Variants in ADSS2 observed in about 807,000 individuals in gnomAD.
ADSS2 encodes adenylosuccinate synthase 2.
A neutral mutation model predicts 60.0 loss-of-function variants in ADSS2; 30 were observed. The ratio of observed to expected loss-of-function variants is 0.50; its 90% CI spans 0.37 to 0.68. The LOEUF (loss-of-function observed/expected upper bound fraction) is 0.68. Ranked by LOEUF, ADSS2 falls within the 30% of genes least tolerant of loss-of-function variation. The pLI is 0.00. For synonymous variants in ADSS2, 187 were observed against 193.1 expected, an observed-to-expected ratio of 0.97 and a Z score of 0.26; for missense variants, 373 against 554.8, an observed-to-expected ratio of 0.67 and a Z score of 3.29.
intron 3 of ADSS2, among the ~76,000 whole-genome samples, chr1:244,433,284 A>G (rs1350974710): frequency 2.0e-5 from 3 of 152,214 alleles, no homozygotes; most frequent in East Asian, 3.9e-4. Context: ...GAAGCAATCA[A>G]GTTTGTATCT....
At chr1:244,430,043 G>A (rs1304595328) in intron 4 of ADSS2, among the ~76,000 whole-genome samples, 3 of 151,922 alleles carry the variant, frequency 2.0e-5, no homozygotes, top group South Asian at 2.1e-4. Flanking sequence ...TTCAGTCTGC[G>A]CTTATCTTCT....
intron 12 of ADSS2, among the ~76,000 whole-genome samples, chr1:244,410,477 T>C (rs1000381553): frequency 8.1e-5 from 12 of 148,298 alleles, no homozygotes; most frequent in South Asian, 2.2e-4. Context: ...TGTTCTTTAA[T>C]AAATAGGCTT....
intron 1 of ADSS2, among the ~76,000 whole-genome samples, chr1:244,449,042 G>C (rs909693680): frequency 2.0e-5 from 3 of 152,130 alleles, no homozygotes; most frequent in Non-Finnish European, 4.4e-5. Context: ...AGTAGTGGTT[G>C]TCCTTTGATG....
chr1:244,411,566 T>C (rs945750063), intron 11 of ADSS2, 130 bp from the exon 12 acceptor site: 1 of 923,856 alleles, frequency 1.1e-6, no homozygotes, highest in Non-Finnish European at 1.6e-6. Context: ...TTTAGAATTC[T>C]TCAGGTAGTA....
intron 1 of ADSS2, among the ~76,000 whole-genome samples, chr1:244,440,367 T>C (rs1426090528): frequency 6.6e-6 from 1 of 152,140 alleles, no homozygotes; most frequent in Non-Finnish European, 1.5e-5. Context: ...CAAATACCTA[T>C]TTACACGGTG....
At chr1:244,421,893 G>C (rs1226124922) in intron 7 of ADSS2, among the ~76,000 whole-genome samples, 3 of 152,158 alleles carry the variant, frequency 2.0e-5, no homozygotes, top group African/African-American at 7.2e-5. Context: ...AGGATCCCTT[G>C]AGCCTAGAAA....
chr1:244,417,776 T>A, intron 9 of ADSS2, 24 bp from the exon 10 acceptor site: 3 of 1,609,056 alleles, frequency 1.9e-6, no homozygotes, highest in Non-Finnish European at 2.6e-6. Flanking sequence ...AATTGAACTT[T>A]AGGATTAGAA....
At chr1:244,450,110 C>T (rs1665497271) in intron 1 of ADSS2, among the ~76,000 whole-genome samples, 1 of 152,238 alleles carries the variant, frequency 6.6e-6, no homozygotes, top group Non-Finnish European at 1.5e-5. Flanking sequence ...CAGCCTCTCT[C>T]CCGCTGTCGA....
rs548335033 is a variant in ADSS2, at chr1:244,450,267, G to A, written c.183+1368C>T. On this transcript the variant is annotated intron_variant, in intron 1 of 12. Coordinates refer to ENST00000366535, the MANE Select transcript of ADSS2 (RefSeq NM_001126.5). The stretch of plus-strand genomic sequence containing the variant: ...ATTTAATGGCAACACCCTGAAGATT[G>A]CTAAGGTACAAAGTGTGTTGCCAGA... Among the ~76,000 whole-genome samples, 3 of 152,350 alleles carry A rather than the reference G, an allele frequency of 2.0e-5. No individual in the cohort carries two copies. The South Asian group carries it at 6.2e-4, about 32-fold the overall frequency.
At chr1:244,427,629 C>T (rs1227854039) in intron 4 of ADSS2, among the ~76,000 whole-genome samples, 3 of 151,968 alleles carry the variant, frequency 2.0e-5, no homozygotes, top group East Asian at 1.9e-4. Flanking sequence ...GGATGGAAAG[C>T]GATACACCAT....
rs1361067235 is a variant in ADSS2 at position 244,416,256 on chromosome 1, T to C, written c.1071-178A>G. On this transcript the variant is annotated intron_variant, in intron 10 of 12. Coordinates refer to ENST00000366535, the MANE Select transcript of ADSS2 (RefSeq NM_001126.5). ...CCACACATAAGACGCTAGAGGACAA[T>C]ATACACTGAGTTACTTTGCTAGTAA... is the stretch of plus-strand genomic sequence containing the variant. Among the ~76,000 whole-genome samples, 5 of 152,348 alleles carry C rather than the reference T, an allele frequency of 3.3e-5. No individual in the cohort carries two copies. In the South Asian group the frequency reaches 1.0e-3, roughly 32 times the overall value.
At chr1:244,451,962 C>A, upstream of ADSS2, 1 of 787,786 alleles carries the variant, frequency 1.3e-6, no homozygotes, top group East Asian at 3.1e-5. The surrounding 1 kb of genome is among the most constrained non-coding windows in gnomAD (Gnocchi z 6.6). Context: ...CCGCCACCCT[C>A]CAGCCAGTCC....
At chr1:244,428,138 A>G (rs185128187) in intron 4 of ADSS2, among the ~76,000 whole-genome samples, 1 of 152,340 alleles carries the variant, frequency 6.6e-6, no homozygotes, top group East Asian at 1.9e-4. Flanking sequence ...TGGCATTTAA[A>G]GAACACTCTA....
intron 1 of ADSS2, among the ~76,000 whole-genome samples, chr1:244,450,354 G>C (rs55897343): frequency 0.03 from 4,601 of 152,328 alleles, 235 homozygotes; most frequent in African/African-American, 0.1. Context: ...AGTTTCCTAA[G>C]AGGCAATTAG....
intron 4 of ADSS2, 28 bp downstream of exon 4, chr1:244,432,517 A>T: frequency 6.9e-7 from 1 of 1,457,512 alleles, no homozygotes; most frequent in Non-Finnish European, 9.3e-7. Flanking sequence ...AAAGATAGTT[A>T]CAAATAAATG....
Position 244,432,598 on chromosome 1 carries a change from AG to A in ADSS2, c.356-4del, listed in dbSNP as rs772042148. On this transcript the variant is annotated splice_polypyrimidine_tract_variant and splice_region_variant and intron_variant, in intron 3 of 12. Transcript: ENST00000366535. ...CCTTTTTTCCCAGCCTTCTAGTCCT[AG>A]AAAGGGGAAAAAGATATATTTAATT... is the stretch of plus-strand genomic sequence containing the variant. The A allele has an allele frequency of 6.4e-7, 1 of 1,553,942 alleles. No homozygotes were observed. The highest frequency in any genetic ancestry group is 8.8e-7 in the Non-Finnish European group (1 of 1,141,566).
intron 3 of ADSS2, among the ~76,000 whole-genome samples, chr1:244,432,870 G>A (rs543723074): frequency 6.6e-5 from 10 of 151,492 alleles, no homozygotes; most frequent in East Asian, 5.9e-4. Flanking sequence ...GGGTTTCACC[G>A]TGTTAGCCAG....
chr1:244,421,072 C>T (rs943776410), intron 7 of ADSS2, among the ~76,000 whole-genome samples: 6 of 136,128 alleles, frequency 4.4e-5, no homozygotes, highest in Admixed American at 1.5e-4. Flanking sequence ...GTTACACTGC[C>T]AAGTATGCAA....
At chr1:244,411,755 T>C (rs1300517882) in intron 11 of ADSS2, among the ~76,000 whole-genome samples, 2 of 152,222 alleles carry the variant, frequency 1.3e-5, no homozygotes, top group Non-Finnish European at 2.9e-5. Flanking sequence ...TTTCCAGTTT[T>C]AAAGCTTATT....
Sources: allele counts gnomAD v4.1 joint callset (sites outside exome capture counted in the v4.1 genomes callset), GRCh38; gene constraint gnomAD v4.1.1; non-coding constraint Gnocchi (gnomAD v3.1); transcripts MANE v1.5; gene names NCBI Gene and HGNC (gene_info 2026-07-23, HGNC 2026-07-21).